The following UTS2 variants were observed in gnomAD, a reference collection of about 807,000 sequenced individuals.
UTS2 encodes the protein urotensin-2.
Under a neutral mutation model 12.6 loss-of-function variants are expected in UTS2, and 10 were observed. That is an observed-to-expected ratio of 0.80 (90% confidence interval 0.49 to 1.35). UTS2 has a LOEUF of 1.35. Among genes scored for constraint, UTS2 ranks in the 40% most tolerant of loss-of-function variants. The probability of loss-of-function intolerance (pLI) is 0.00; values close to 1 mark genes in which losing one functional copy is unlikely to be tolerated. For synonymous variants in UTS2, 52 were observed against 50.0 expected (o/e 1.04, Z -0.17); for missense variants, 142 against 143.2 (o/e 0.99, Z 0.04).
chr1:7,882,019 C>T, the UTS2 span, among the ~76,000 whole-genome samples: 1 of 152,122 alleles, frequency 6.6e-6, no homozygotes, highest in Non-Finnish European at 1.5e-5. Context: ...CAAGAACAGA[C>T]ACTGGGTAAA....
intron 1 of UTS2, among the ~76,000 whole-genome samples, chr1:7,851,236 C>T (rs2097413854): frequency 6.6e-6 from 1 of 152,200 alleles, no homozygotes; most frequent in African/African-American, 2.4e-5. Context: ...TTCAAAAAGT[C>T]TGACTCTCCC....
the UTS2 span, among the ~76,000 whole-genome samples, chr1:7,864,270 A>T: frequency 1.3e-5 from 2 of 152,188 alleles, no homozygotes; most frequent in Non-Finnish European, 2.9e-5. Flanking sequence ...TGGCTGGCAG[A>T]TGGTCATCAT....
chr1:7,849,970 A>AT (rs35419840), intron 2 of UTS2, among the ~76,000 whole-genome samples: 75,614 of 140,644 alleles, frequency 0.54, 22,712 homozygotes, highest in Non-Finnish European at 0.66. Flanking sequence ...AAAGGCTCAA[A>AT]TTTTTTTTTT....
At chr1:7,905,951 C>T in the UTS2 span, among the ~76,000 whole-genome samples, 196 of 150,254 alleles carry the variant, frequency 1.3e-3, no homozygotes, top group Admixed American at 2.4e-3. Flanking sequence ...TCTTGCTGGG[C>T]ACACGGGGGC....
At chr1:7,904,094 T>G in the UTS2 span, among the ~76,000 whole-genome samples, 19 of 152,270 alleles carry the variant, frequency 1.2e-4, no homozygotes, top group African/African-American at 4.6e-4. Context: ...TATCTTACAA[T>G]ATTTTTTCAT....
chr1:7,850,679 T>G, intron 2 of UTS2, 133 bp downstream of exon 2: 3 of 819,088 alleles, frequency 3.7e-6, no homozygotes, highest in Non-Finnish European at 1.9e-6. Context: ...GAGGGGAGAG[T>G]GTTGGTAATT....
the UTS2 span, among the ~76,000 whole-genome samples, chr1:7,893,774 A>T: frequency 1.3e-5 from 2 of 151,912 alleles, no homozygotes; most frequent in African/African-American, 4.8e-5. Context: ...GTCTCCATAC[A>T]CTCACCCATA....
chr1:7,885,114 T>C, the UTS2 span, among the ~76,000 whole-genome samples: 1 of 141,772 alleles, frequency 7.1e-6, no homozygotes, highest in Non-Finnish European at 1.5e-5. Flanking sequence ...CATCCATTCA[T>C]CCATCCACCC....
chr1:7,867,396 T>G, the UTS2 span, among the ~76,000 whole-genome samples: 101,148 of 151,984 alleles, frequency 0.67, 34,675 homozygotes, highest in South Asian at 0.85. Flanking sequence ...GGGTCAATCA[T>G]TTGGTCCCTC....
the UTS2 span, among the ~76,000 whole-genome samples, chr1:7,885,872 C>A: frequency 9.5e-6 from 1 of 105,394 alleles, no homozygotes; most frequent in African/African-American, 3.9e-5. Context: ...AGGGGCTTAT[C>A]GGGCCAGAGG....
chr1:7,905,130 A>G, the UTS2 span, among the ~76,000 whole-genome samples: 9 of 149,324 alleles, frequency 6.0e-5, no homozygotes, highest in South Asian at 1.9e-3. Flanking sequence ...TTTATGTGTG[A>G]TTAACATTTC....
At chr1:7,879,346 C>T in the UTS2 span, among the ~76,000 whole-genome samples, 1 of 152,160 alleles carries the variant, frequency 6.6e-6, no homozygotes, top group Admixed American at 6.5e-5. Flanking sequence ...TAGAAATCAA[C>T]ATCAAGAGAA....
the UTS2 span, among the ~76,000 whole-genome samples, chr1:7,879,570 A>G: frequency 6.6e-6 from 1 of 152,128 alleles, no homozygotes; most frequent in Admixed American, 6.6e-5. Flanking sequence ...GAGACACCCC[A>G]TCTCTACTAA....
At chr1:7,889,459 A>G in the UTS2 span, among the ~76,000 whole-genome samples, 1,357 of 147,088 alleles carry the variant, frequency 9.2e-3, 22 homozygotes, top group African/African-American at 0.033. Context: ...AAAAAAAAAA[A>G]AAAAGAAAAG....
chr1:7,887,592 CAAAAAAAAAA>C, the UTS2 span, among the ~76,000 whole-genome samples: 7 of 62,428 alleles, frequency 1.1e-4, no homozygotes, highest in African/African-American at 2.6e-4. Context: ...CCAGTCTCTA[CAAAAAAAAAA>C]AAAAAAAAAA....
At chr1:7,893,923 T>C in the UTS2 span, among the ~76,000 whole-genome samples, 1 of 152,208 alleles carries the variant, frequency 6.6e-6, no homozygotes. Context: ...AGATTCTTCT[T>C]TGTCTAAAAA....
the UTS2 span, among the ~76,000 whole-genome samples, chr1:7,903,778 TTAAGTG>T: frequency 1.3e-5 from 2 of 152,148 alleles, no homozygotes; most frequent in Non-Finnish European, 2.9e-5. Context: ...ATAGCTACAT[TTAAGTG>T]TCAGGCTTAG....
chr1:7,853,399 G>T, upstream of UTS2: 1 of 1,614,066 alleles, frequency 6.2e-7, no homozygotes, highest in Non-Finnish European at 8.5e-7. Flanking sequence ...CAGAAGTGAC[G>T]CAGAGCATAA....
At chr1:7,884,256 A>G in the UTS2 span, among the ~76,000 whole-genome samples, 1 of 151,924 alleles carries the variant, frequency 6.6e-6, no homozygotes, top group Non-Finnish European at 1.5e-5. Context: ...TAATTAAAGA[A>G]CATGTTTTCT....
Sources: gnomAD v4.1 joint callset for allele counts (sites outside exome capture counted in the v4.1 genomes callset) on GRCh38, gnomAD v4.1.1 for gene constraint, MANE v1.5 for transcripts, NCBI Gene and HGNC (gene_info 2026-07-23, HGNC 2026-07-21) for gene names.